DOP1A: variants seen among roughly 807,000 people sequenced by gnomAD.
DOP1A encodes DOP1 leucine zipper like protein A, also known as protein DOP1A.
A neutral mutation model predicts 267.6 loss-of-function variants in DOP1A; 90 were observed. The ratio of observed to expected loss-of-function variants is 0.34; its 90% CI spans 0.28 to 0.40. The LOEUF is 0.40. Ranked by LOEUF, DOP1A falls within the 10% of genes least tolerant of loss-of-function variation. DOP1A has a pLI of 1.00. For missense variants in DOP1A, 2,437 were observed against 2,900.4 expected, an observed-to-expected ratio of 0.84 and a Z score of 3.67; for synonymous variants, 932 against 999.1, an observed-to-expected ratio of 0.93 and a Z score of 1.27.
In DOP1A at chr6:83,152,231, C is replaced by T. The variant is rs571426531; in HGVS notation, c.6050-57C>T. On this transcript the variant is annotated intron_variant, in intron 29 of 38. Coordinates refer to ENST00000349129, the MANE Select transcript of DOP1A (RefSeq NM_015018.4). ...AATAATACACACACACACACACACA[C>T]ATAAAATTTATTTTCAGTGGGAATT... 1.7e-5 allele frequency: 16 copies of T among 936,560 alleles called. 1 individual carries two copies. Among genetic ancestry groups the T allele is most frequent in the African/African-American group, 1.3e-4 (7 of 55,956 alleles). The allele number at this position is 936,560 out of a possible 1,614,324, so 58.0% of individuals were successfully genotyped here. A position where few individuals can be genotyped will look rare whatever the true frequency, so the allele number is the denominator to read the frequency against.
chr6:83,140,527 T>G, intron 23 of DOP1A, 124 bp downstream of exon 23: 1 of 837,226 alleles, frequency 1.2e-6, no homozygotes, highest in East Asian at 2.8e-5. Flanking sequence ...CAAATAATTT[T>G]TAACAGTTTT....
In DOP1A at chr6:83,128,951, G is replaced by A. The variant is rs753464181; in HGVS notation, c.1784G>A (p.Ser595Asn). The A allele has an allele frequency of 6.3e-7, 1 of 1,576,002 alleles. No individual in the cohort carries two copies. The highest frequency in any genetic ancestry group is 1.2e-5 in the South Asian group (1 of 84,976). Reference protein sequence around the residue: ...VFEDGENPPSSRSSESGFTEF... With the variant: ...VFEDGENPPSNRSSESGFTEF... ...GAAGATGGAGAAAATCCACCAAGTA[G>A]TCGATCATCAGAGAGTGGATTCACT... Residue 595 changes from serine (S) to asparagine (N), a missense_variant, in exon 16 of 39, where the codon AGT becomes AAT. This residue lies in a region of DOP1A where 498 missense variants were observed against 513.5 expected (regional missense o/e 0.97). Coordinates refer to ENST00000349129, the MANE Select transcript of DOP1A (RefSeq NM_015018.4).
intron 35 of DOP1A, among the ~76,000 whole-genome samples, chr6:83,157,744 C>T (rs1436517580): frequency 6.6e-6 from 1 of 151,136 alleles, no homozygotes; most frequent in African/African-American, 2.5e-5. Context: ...GCAGCACCTA[C>T]CCCATTTAAA....
chr6:83,113,137 G>T (rs536540230), intron 6 of DOP1A, among the ~76,000 whole-genome samples, 186 bp from the exon 7 acceptor site: 4 of 152,164 alleles, frequency 2.6e-5, no homozygotes, highest in Admixed American at 2.6e-4. Flanking sequence ...TTGCTGTATA[G>T]TCTTACGTAC....
chr6:83,143,551 G>C (rs1779973526), intron 24 of DOP1A, among the ~76,000 whole-genome samples: 1 of 152,142 alleles, frequency 6.6e-6, no homozygotes, highest in African/African-American at 2.4e-5. Context: ...ATGTCCTTAA[G>C]TGGGTGAGAC....
rs545115523 is a variant in DOP1A at position 83,089,879 on chromosome 6, G to A, written c.-146-6852G>A. Among the ~76,000 whole-genome samples the A allele has an allele frequency of 2.6e-5, 4 of 152,210 alleles. No individual in the cohort carries two copies. In the South Asian group the frequency reaches 8.3e-4, roughly 32 times the overall value. ...ATCTTGATTGTGGTGATGGTTTTAT[G>A]GGTGCACGCACTAGTCAGAACTCAT... On this transcript the variant is annotated intron_variant, in intron 1 of 38. Transcript: ENST00000349129.
At chr6:83,096,559 C>T (rs1458048873) in intron 1 of DOP1A, among the ~76,000 whole-genome samples, 172 bp from the exon 2 acceptor site, 3 of 151,174 alleles carry the variant, frequency 2.0e-5, no homozygotes, top group African/African-American at 7.3e-5. Flanking sequence ...CCAATCTAAC[C>T]AGACTTAATG....
chr6:83,124,584 CA>C lies in DOP1A; in HGVS notation c.1341-116del, dbSNP rs1017521182. 3.2e-5 allele frequency: 25 copies of C among 771,122 alleles called. 1 individual carries two copies. The highest frequency in any genetic ancestry group is 2.3e-4 in the African/African-American group (13 of 56,090). The allele number at this position is 771,122 out of a possible 1,614,324, so 47.8% of individuals were successfully genotyped here. ...CTGGGGGAAATAAAATATGTCATCA[CA>C]AAAACATTACTGTGTGTGACCCAAT... On this transcript the variant is annotated intron_variant, in intron 12 of 38. Transcript: ENST00000349129.
Position 83,118,883 on chromosome 6 carries a change from T to C in DOP1A, c.781-5T>C. On this transcript the variant is annotated splice_region_variant and splice_polypyrimidine_tract_variant and intron_variant, in intron 7 of 38. Coordinates refer to ENST00000349129, the MANE Select transcript of DOP1A (RefSeq NM_015018.4). ...TAAGTACAACCATATTCCTAACTCT[T>C]TCAGGCCACTCGACCGGATATGATC... 1 of 1,613,062 alleles carries C rather than the reference T, an allele frequency of 6.2e-7. No homozygotes were observed. Among genetic ancestry groups the C allele is most frequent in the Non-Finnish European group, 8.5e-7 (1 of 1,179,428 alleles).
At chr6:83,157,414 G>T in intron 35 of DOP1A, 96 bp downstream of exon 35, 1 of 1,306,714 alleles carries the variant, frequency 7.7e-7, no homozygotes, top group Non-Finnish European at 1.1e-6. Context: ...TATTGGGAGA[G>T]AACTGAGCTG....
intron 33 of DOP1A, among the ~76,000 whole-genome samples, chr6:83,155,283 G>A (rs558785080): frequency 1.5e-4 from 22 of 147,268 alleles, no homozygotes; most frequent in African/African-American, 4.8e-4. Context: ...ACAAAATAGC[G>A]AGACCCCAGC....
At chr6:83,130,862 C>T (rs943550390) in intron 17 of DOP1A, among the ~76,000 whole-genome samples, 1 of 152,024 alleles carries the variant, frequency 6.6e-6, no homozygotes, top group Non-Finnish European at 1.5e-5. Context: ...CCTCAGCCTC[C>T]CGAGTAGCTG....
chr6:83,115,726 A>G (rs972694097), intron 7 of DOP1A, among the ~76,000 whole-genome samples: 1 of 152,216 alleles, frequency 6.6e-6, no homozygotes, highest in Non-Finnish European at 1.5e-5. Context: ...TCTGTCTCAA[A>G]AAAAAGAAAA....
intron 1 of DOP1A, among the ~76,000 whole-genome samples, chr6:83,093,618 G>C (rs777734712): frequency 1.3e-5 from 2 of 152,126 alleles, no homozygotes; most frequent in African/African-American, 4.8e-5. Flanking sequence ...TTTAAAGTAT[G>C]TAATATGGGC....
At chr6:83,133,528 T>G (rs1334249108) in intron 18 of DOP1A, among the ~76,000 whole-genome samples, 1 of 152,060 alleles carries the variant, frequency 6.6e-6, no homozygotes, top group Non-Finnish European at 1.5e-5. Context: ...AAGAAAGACT[T>G]TAAAAATTTT....
chr6:83,068,079 G>C (rs932697361), intron 1 of DOP1A, among the ~76,000 whole-genome samples: 1 of 152,210 alleles, frequency 6.6e-6, no homozygotes, highest in Admixed American at 6.5e-5. Flanking sequence ...CCGGGGAGCC[G>C]GGGACAGGTC....
At chr6:83,078,286 T>G (rs747060709) in intron 1 of DOP1A, among the ~76,000 whole-genome samples, 3 of 152,186 alleles carry the variant, frequency 2.0e-5, no homozygotes, top group Non-Finnish European at 2.9e-5. Flanking sequence ...ATTATAGCAG[T>G]AATAAGAGCA....
At chr6:83,166,365 C>T (rs1413502612) in intron 38 of DOP1A, 7 of 698,786 alleles carry the variant, frequency 1.0e-5, no homozygotes, top group Non-Finnish European at 1.8e-5. Context: ...CTCTAGTCTC[C>T]TTTGCAAAAC....
intron 1 of DOP1A, among the ~76,000 whole-genome samples, chr6:83,079,014 A>G (rs1477669666): frequency 6.6e-6 from 1 of 152,076 alleles, no homozygotes; most frequent in Admixed American, 6.5e-5. Context: ...GCTGTACCCC[A>G]TTTTTCTCTG....
Sources: gnomAD v4.1 joint callset for allele counts (sites outside exome capture counted in the v4.1 genomes callset) on GRCh38, gnomAD v4.1.1 for gene constraint, gnomAD v4.1.1 regional missense constraint, MANE v1.5 for transcripts, NCBI Gene and HGNC (gene_info 2026-07-23, HGNC 2026-07-21) for gene names.